ADCY10: variants seen among roughly 807,000 people sequenced by gnomAD.
ADCY10 encodes adenylate cyclase 10.
In ADCY10, 156 loss-of-function variants were observed where a neutral mutation model predicts 183.3. The ratio of observed to expected loss-of-function variants is 0.85; its 90% confidence interval spans 0.75 to 0.97. The LOEUF (loss-of-function observed/expected upper bound fraction) is 0.97. Among genes scored for constraint, ADCY10 ranks in the 50% least tolerant of loss-of-function variants. ADCY10 has a pLI of 0.00. For missense variants in ADCY10, 1,745 were observed against 1,934.3 expected (o/e 0.90, Z 1.84); for synonymous variants, 645 against 670.0 (o/e 0.96, Z 0.58).
intron 13 of ADCY10, among the ~76,000 whole-genome samples, chr1:167,871,413 G>C (rs1001051369): frequency 6.6e-6 from 1 of 152,138 alleles, no homozygotes; most frequent in Non-Finnish European, 1.5e-5. Context: ...AGAAAATATG[G>C]AAAACTTGGA....
Position 167,845,977 on chromosome 1 carries a change from C to T in ADCY10, c.2716+8G>A. The T allele has an allele frequency of 1.9e-6, 3 of 1,614,226 alleles. No individual in the cohort carries two copies. Among genetic ancestry groups the T allele is most frequent in the Non-Finnish European group, 2.5e-6 (3 of 1,180,040 alleles). On this transcript the variant is annotated splice_region_variant and intron_variant, in intron 20 of 32. Coordinates refer to ENST00000367851, the MANE Select transcript of ADCY10 (RefSeq NM_018417.6). ...AGAGGAAATTGGGTCACTCCAGGTGCTACTCACCCATCCCTTCACTGGGCT... is the reference window on the plus strand; with the variant it reads ...AGAGGAAATTGGGTCACTCCAGGTGTTACTCACCCATCCCTTCACTGGGCT...
intron 10 of ADCY10, 31 bp from the exon 11 acceptor site, chr1:167,880,222 A>G: frequency 6.3e-7 from 1 of 1,574,842 alleles, no homozygotes. Flanking sequence ...TTTGTGGGGA[A>G]AGAAATAAAG....
chr1:167,908,078 T>C (rs1457155459), intron 1 of ADCY10, among the ~76,000 whole-genome samples: 1 of 152,196 alleles, frequency 6.6e-6, no homozygotes, highest in Non-Finnish European at 1.5e-5. Flanking sequence ...CCCAAAGGAA[T>C]TGAAATCAGT....
At chr1:167,864,509 T>C (rs2102080111) in intron 14 of ADCY10, among the ~76,000 whole-genome samples, 1 of 151,938 alleles carries the variant, frequency 6.6e-6, no homozygotes, top group Admixed American at 6.6e-5. Context: ...TTACAGCTGG[T>C]TTTAGACCCC....
rs764869983 is a variant in ADCY10 at position 167,809,599 on chromosome 1, T to C, written c.*79A>G. On this transcript the variant is annotated 3_prime_UTR_variant, in exon 33 of 33. Coordinates refer to ENST00000367851, the MANE Select transcript of ADCY10 (RefSeq NM_018417.6). ...GAAGAGATTATGTAGGAACCTGGAG[T>C]GGGCCAGCCACGGAGAAAGGTCAAT... The C allele has an allele frequency of 2.7e-6, 4 of 1,478,436 alleles. No individual in the cohort carries two copies. In the African/African-American group the frequency reaches 5.5e-5, roughly 20 times the overall value. 91.6% of individuals were successfully genotyped at this position (1,478,436 alleles called of 1,614,324 possible).
At chr1:167,875,949 T>A (rs1453756250) in intron 12 of ADCY10, among the ~76,000 whole-genome samples, 2 of 148,604 alleles carry the variant, frequency 1.3e-5, no homozygotes, top group African/African-American at 5.0e-5. Context: ...CCAGACTCCA[T>A]CTCAAAAAGA....
intron 5 of ADCY10, among the ~76,000 whole-genome samples, chr1:167,901,076 G>A (rs763023705): frequency 6.6e-6 from 1 of 152,136 alleles, no homozygotes; most frequent in Non-Finnish European, 1.5e-5. Context: ...TGTATCTCAG[G>A]ACTGTCATAT....
At chr1:167,813,389 A>T (rs998267479) in intron 31 of ADCY10, among the ~76,000 whole-genome samples, 1 of 152,124 alleles carries the variant, frequency 6.6e-6, no homozygotes, top group Non-Finnish European at 1.5e-5. Context: ...GTCAACCAAG[A>T]GTCTTCTATT....
intron 2 of ADCY10, among the ~76,000 whole-genome samples, chr1:167,904,345 A>C (rs1389556575): frequency 6.6e-6 from 1 of 152,006 alleles, no homozygotes; most frequent in Non-Finnish European, 1.5e-5. Flanking sequence ...CTCGGCCTCC[A>C]AAAGTGTTGG....
chr1:167,906,046 T>G (rs1669790295), intron 1 of ADCY10, among the ~76,000 whole-genome samples: 1 of 152,194 alleles, frequency 6.6e-6, no homozygotes, highest in African/African-American at 2.4e-5. Context: ...ACTGTTATTT[T>G]TGGTTTAATT....
Position 167,879,264 on chromosome 1 carries a change from C to G in ADCY10, c.1217-629G>C, listed in dbSNP as rs963867841. Among the ~76,000 whole-genome samples the G allele has an allele frequency of 3.9e-5, 6 of 152,164 alleles. No individual in the cohort carries two copies. The South Asian group carries it at 1.2e-3, about 31-fold the overall frequency. On this transcript the variant is annotated intron_variant, in intron 11 of 32. Coordinates refer to ENST00000367851, the MANE Select transcript of ADCY10 (RefSeq NM_018417.6). The stretch of plus-strand genomic sequence containing the variant: ...TAAAATAGGGATGATAATAGTAACT[C>G]TCTGAGAGGGTGGTTTATGAAGATT...
chr1:167,847,039 C>T (rs1469053214), intron 19 of ADCY10, among the ~76,000 whole-genome samples: 1 of 151,884 alleles, frequency 6.6e-6, no homozygotes, highest in Non-Finnish European at 1.5e-5. Context: ...GATTCTCCTG[C>T]CTCAGCCTCT....
In ADCY10 at chr1:167,818,171, G is replaced by C; in HGVS notation, c.4383C>G (p.Asp1461Glu). 6.2e-7 allele frequency: 1 copy of C among 1,614,086 alleles called. No individual in the cohort carries two copies. Among genetic ancestry groups the C allele is most frequent in the Middle Eastern group, 1.6e-4 (1 of 6,062 alleles). ...GCCCCTCCATGTACCTAGATATTCC[G>C]TCATAGTAAGTAAGTGTCATGGTTC... ...PRRTMTLTYY[D>E]GISRYMEGQV... The change falls in exon 31 of 33, where the codon GAC (aspartate) becomes GAG (glutamate). Residue 1461 changes from aspartate (D) to glutamate (E), a missense_variant. Physicochemically the swap from Asp to Glu is conservative, Grantham distance 45. Coordinates refer to ENST00000367851, the MANE Select transcript of ADCY10 (RefSeq NM_018417.6).
intron 18 of ADCY10, among the ~76,000 whole-genome samples, 163 bp downstream of exon 18, chr1:167,854,190 C>T (rs774856177): frequency 2.0e-4 from 30 of 152,026 alleles, no homozygotes; most frequent in Non-Finnish European, 3.4e-4. Flanking sequence ...ATGTTAAGTT[C>T]GCTTACAATC....
chr1:167,850,043 C>A (rs1248093338), intron 18 of ADCY10, among the ~76,000 whole-genome samples: 2 of 152,008 alleles, frequency 1.3e-5, no homozygotes, highest in Non-Finnish European at 2.9e-5. Flanking sequence ...AGGGAAAGGT[C>A]ACAGATTTCT....
intron 13 of ADCY10, among the ~76,000 whole-genome samples, chr1:167,874,016 G>GA (rs1221949097): frequency 6.6e-6 from 1 of 152,120 alleles, no homozygotes; most frequent in Non-Finnish European, 1.5e-5. Flanking sequence ...AAAAATAGGT[G>GA]AAAAATTGTA....
intron 14 of ADCY10, among the ~76,000 whole-genome samples, chr1:167,862,718 G>A (rs780299284): frequency 3.2e-4 from 48 of 152,182 alleles, no homozygotes; most frequent in Non-Finnish European, 5.7e-4. Flanking sequence ...TATCCCTTCA[G>A]CAATGATAAA....
intron 30 of ADCY10, 30 bp downstream of exon 30, chr1:167,821,994 G>T: frequency 1.4e-6 from 2 of 1,403,240 alleles, no homozygotes; most frequent in Non-Finnish European, 2.0e-6. Flanking sequence ...TTTCACTTTG[G>T]GAATTTAGTG....
At chr1:167,894,665 C>G (rs1456152211) in intron 7 of ADCY10, among the ~76,000 whole-genome samples, 2 of 151,816 alleles carry the variant, frequency 1.3e-5, no homozygotes, top group East Asian at 3.9e-4. Context: ...TGATTTGTAG[C>G]CTTTATAATA....
Sources: allele counts gnomAD v4.1 joint callset (sites outside exome capture counted in the v4.1 genomes callset), GRCh38; gene constraint gnomAD v4.1.1; transcripts MANE v1.5; gene names NCBI Gene and HGNC (gene_info 2026-07-23, HGNC 2026-07-21).